Variants in ADGRL3 observed in about 807,000 individuals in gnomAD.
ADGRL3 encodes adhesion G protein-coupled receptor L3.
In ADGRL3, 62 loss-of-function variants were observed where a neutral mutation model predicts 153.5. That is an observed-to-expected ratio of 0.40 (90% CI 0.33 to 0.50). The LOEUF (loss-of-function observed/expected upper bound fraction) is 0.50. Among genes scored for constraint, ADGRL3 ranks in the 20% least tolerant of loss-of-function variants. The pLI, the probability that ADGRL3 is intolerant of heterozygous loss-of-function variation, is 0.47. For missense variants in ADGRL3, 1,641 were observed against 1,859.4 expected (o/e 0.88, Z 2.16); for synonymous variants, 710 against 672.5 (o/e 1.06, Z -0.86).
intron 19 of ADGRL3, among the ~76,000 whole-genome samples, chr4:61,987,928 T>TATA (rs1274245101): frequency 6.6e-6 from 1 of 152,076 alleles, no homozygotes; most frequent in African/African-American, 2.4e-5. Context: ...AAATCTTTAA[T>TATA]ATAATAATAA....
At chr4:62,012,013 A>G (rs1193479889) in intron 21 of ADGRL3, among the ~76,000 whole-genome samples, 3 of 152,224 alleles carry the variant, frequency 2.0e-5, no homozygotes, top group South Asian at 4.1e-4. Flanking sequence ...TACAATGATT[A>G]TATGTATTAA....
chr4:61,478,329 G>T (rs1011800778), intron 2 of ADGRL3, among the ~76,000 whole-genome samples: 2 of 152,030 alleles, frequency 1.3e-5, no homozygotes, highest in South Asian at 4.1e-4. Context: ...TATGGTAATA[G>T]TGTTAGTGAA....
chr4:62,050,654 A>C (rs1733606095), intron 25 of ADGRL3, among the ~76,000 whole-genome samples: 1 of 152,070 alleles, frequency 6.6e-6, no homozygotes, highest in Non-Finnish European at 1.5e-5. Flanking sequence ...TGATTTATAT[A>C]AATTAAAGCT....
At chr4:61,992,970 T>G (rs1384056525) in intron 19 of ADGRL3, among the ~76,000 whole-genome samples, 2 of 152,144 alleles carry the variant, frequency 1.3e-5, no homozygotes, top group Non-Finnish European at 2.9e-5. Flanking sequence ...ATTCCTTAAC[T>G]TGTAAAATAA....
intron 1 of ADGRL3, among the ~76,000 whole-genome samples, chr4:61,372,242 T>C (rs188568547): frequency 3.6e-4 from 55 of 152,328 alleles, no homozygotes; most frequent in African/African-American, 1.3e-3. Flanking sequence ...TCAAAGTCAT[T>C]CTCCGTCCAG....
intron 9 of ADGRL3, among the ~76,000 whole-genome samples, chr4:61,821,456 G>A (rs542567682): frequency 9.7e-4 from 148 of 151,834 alleles, no homozygotes; most frequent in African/African-American, 1.2e-3. Context: ...TCCGCCTCCC[G>A]GGTTCAAGTG....
At chr4:61,371,788 A>G (rs866889469) in intron 1 of ADGRL3, among the ~76,000 whole-genome samples, 2 of 152,164 alleles carry the variant, frequency 1.3e-5, no homozygotes, top group South Asian at 2.1e-4. Flanking sequence ...GCCTTGCTAG[A>G]TTGGGGAAAT....
At chr4:61,201,977 G>T in intron 1 of ADGRL3, among the ~76,000 whole-genome samples, 1 of 152,126 alleles carries the variant, frequency 6.6e-6, no homozygotes, top group Admixed American at 6.5e-5. Flanking sequence ...GGTCTGGCGC[G>T]GGTTGGAGTT....
intron 9 of ADGRL3, among the ~76,000 whole-genome samples, chr4:61,887,951 G>A (rs1386505643): frequency 7.9e-5 from 12 of 152,040 alleles, no homozygotes; most frequent in Non-Finnish European, 1.6e-4. Flanking sequence ...GTTATAACTC[G>A]TAATAGCATT....
At chr4:61,711,487 TATATAC>T (rs1243740304) in intron 6 of ADGRL3, among the ~76,000 whole-genome samples, 1 of 107,496 alleles carries the variant, frequency 9.3e-6, no homozygotes, top group African/African-American at 3.5e-5. Context: ...TATATATATA[TATATAC>T]ACACACACAC....
At chr4:61,786,002 A>G (rs1247607331) in intron 8 of ADGRL3, among the ~76,000 whole-genome samples, 1 of 152,116 alleles carries the variant, frequency 6.6e-6, no homozygotes, top group Non-Finnish European at 1.5e-5. Context: ...TGACAGAGCT[A>G]TTGGCAGTGT....
intron 2 of ADGRL3, among the ~76,000 whole-genome samples, chr4:61,495,524 G>A (rs1260576488): frequency 2.0e-5 from 3 of 151,616 alleles, no homozygotes; most frequent in African/African-American, 7.3e-5. Flanking sequence ...GGGAAGGGAA[G>A]AGAATGGAAG....
At chr4:61,991,686 A>T (rs2099104348) in intron 19 of ADGRL3, among the ~76,000 whole-genome samples, 1 of 151,728 alleles carries the variant, frequency 6.6e-6, no homozygotes, top group Non-Finnish European at 1.5e-5. Flanking sequence ...AAGCATTTCA[A>T]CATTAGATGT....
intron 9 of ADGRL3, among the ~76,000 whole-genome samples, chr4:61,877,277 A>G (rs1320936878): frequency 6.6e-6 from 1 of 152,198 alleles, no homozygotes; most frequent in Non-Finnish European, 1.5e-5. Context: ...ATGCTTAGTG[A>G]AAAAGTCTAC....
In ADGRL3 at chr4:61,401,836, A is replaced by G. The variant is rs145285148; in HGVS notation, c.-174+18647A>G. On this transcript the variant is annotated intron_variant, in intron 2 of 26. Transcript: ENST00000683033. ...GTATATTTCTCTTAGGCATATTTGA[A>G]TGCCAGTGTTTCAGCTTTGAAGATC... Among the ~76,000 whole-genome samples the G allele has an allele frequency of 1.8e-3, 273 of 152,166 alleles. 2 individuals are homozygous for G. The highest frequency in any genetic ancestry group is 6.4e-3 in the African/African-American group (264 of 41,546).
At position 61,899,142 on chromosome 4, in the gene ADGRL3, G is replaced by T. The variant is rs536535729; in HGVS notation, c.1887+3308G>T. Among the ~76,000 whole-genome samples, 324 of 152,242 alleles carry T rather than the reference G, an allele frequency of 2.1e-3. 1 individual carries two copies. The highest frequency in any genetic ancestry group is 7.3e-3 in the African/African-American group (302 of 41,550). On this transcript the variant is annotated intron_variant, in intron 11 of 26. Coordinates refer to ENST00000683033, the MANE Select transcript of ADGRL3 (RefSeq NM_001387552.1). The stretch of plus-strand genomic sequence containing the variant: ...GGCTGCTCTTTGTTAGAAAAGAAAT[G>T]ATTTGGGGGCTGCTTTTCATTAACA...
chr4:61,472,925 T>G (rs1368411945), intron 2 of ADGRL3, among the ~76,000 whole-genome samples: 2 of 152,172 alleles, frequency 1.3e-5, no homozygotes, highest in East Asian at 3.9e-4. Flanking sequence ...ACATTTTCTT[T>G]TGTCCCTTGT....
At chr4:61,791,593 G>C (rs949001830) in intron 8 of ADGRL3, among the ~76,000 whole-genome samples, 2 of 152,196 alleles carry the variant, frequency 1.3e-5, no homozygotes, top group African/African-American at 4.8e-5. Context: ...GGAGGACAGA[G>C]GCCCTCTTCT....
At chr4:61,586,011 T>A (rs975986272) in intron 4 of ADGRL3, among the ~76,000 whole-genome samples, 9 of 152,032 alleles carry the variant, frequency 5.9e-5, no homozygotes, top group African/African-American at 2.2e-4. Flanking sequence ...AATAAACATA[T>A]GAAAATATAT....
Sources: gnomAD v4.1 joint callset for allele counts (sites outside exome capture counted in the v4.1 genomes callset) on GRCh38, gnomAD v4.1.1 for gene constraint, MANE v1.5 for transcripts, NCBI Gene and HGNC (gene_info 2026-07-23, HGNC 2026-07-21) for gene names.